The following DLGAP5 variants were observed in gnomAD, a reference collection of about 807,000 sequenced individuals.
DLGAP5 encodes the protein DLG associated protein 5.
DLGAP5 carries 90 observed loss-of-function variants against 99.6 expected under a neutral mutation model. That is an observed-to-expected ratio of 0.90 (90% CI 0.76 to 1.08). The LOEUF (loss-of-function observed/expected upper bound fraction) is 1.08. Ranked by LOEUF, DLGAP5 falls within the 50% of genes least tolerant of loss-of-function variation. DLGAP5 has a pLI of 0.00. For missense variants in DLGAP5, 1,036 were observed against 983.5 expected, an observed-to-expected ratio of 1.05 and a Z score of -0.71; for synonymous variants, 311 against 321.3, an observed-to-expected ratio of 0.97 and a Z score of 0.34.
chr14:55,169,054 T>C (rs566187400), intron 12 of DLGAP5, among the ~76,000 whole-genome samples: 4 of 151,318 alleles, frequency 2.6e-5, no homozygotes, highest in Non-Finnish European at 4.4e-5. Flanking sequence ...CAGGCGCCTG[T>C]AGTCCCAGCT....
intron 12 of DLGAP5, among the ~76,000 whole-genome samples, chr14:55,165,460 T>C (rs1215165506): frequency 1.3e-5 from 2 of 151,762 alleles, no homozygotes; most frequent in African/African-American, 2.4e-5. Context: ...GAAGTGGAGG[T>C]TGCAGTGAGG....
chr14:55,150,804 C>A lies in DLGAP5; in HGVS notation c.2413G>T (p.Asp805Tyr). The A allele has an allele frequency of 6.4e-7, 1 of 1,573,510 alleles. No homozygotes were observed. The highest frequency in any genetic ancestry group is 1.2e-5 in the South Asian group (1 of 83,114). Residue 805 changes from aspartate to tyrosine, a missense_variant, in exon 18 of 19, where the codon GAT (aspartate) becomes TAT (tyrosine). Asp to Tyr is a radical substitution (Grantham distance 160). Transcript: ENST00000247191. Reference sequence around the variant, plus strand: ...TGTCAAGTTGGAAAACTTACTGAATCAAGAAGGTGGCATTCAGTAGTGAGA... The same window carrying A: ...TGTCAAGTTGGAAAACTTACTGAATAAAGAAGGTGGCATTCAGTAGTGAGA... ...KSLTTECHLL[D>Y]SPGLNCSNPF...
Position 55,175,907 on chromosome 14 carries a change from A to T in DLGAP5, c.1161T>A (p.Thr387=). Reference sequence around the variant, plus strand: ...TAAATACTATACCTTCATGCCAAACAGTTAGAGGACCCAAAGGACATGGCA... The same window carrying T: ...TAAATACTATACCTTCATGCCAAACTGTTAGAGGACCCAAAGGACATGGCA... ...NKLPCPLGPL[T]VWHEEHVLNK... is the part of the protein sequence containing the mutation. The change falls in exon 9 of 19, where the codon ACT becomes ACA. Residue 387 remains threonine, a synonymous_variant. Coordinates refer to ENST00000247191, the MANE Select transcript of DLGAP5 (RefSeq NM_014750.5). The T allele has an allele frequency of 6.3e-7, 1 of 1,598,086 alleles. No individual in the cohort carries two copies. Among genetic ancestry groups the T allele is most frequent in the South Asian group, 1.1e-5 (1 of 87,458 alleles).
rs745726382 is a variant in DLGAP5, at chr14:55,148,371, GAGGTGAAAAAGTAATC to G, written c.2505_2520del (p.Ile836TyrfsTer26). Reference sequence around the variant, plus strand: ...TAAATTCAAAATTCTCCTGGTTGTAGAGGTGAAAAAGTAATCAGGTTACCACCAAAAGAAATGTGTC... The same window carrying G: ...TAAATTCAAAATTCTCCTGGTTGTAGAGGTTACCACCAAAAGAAATGTGTC... On this transcript the variant is annotated frameshift_variant, in exon 19 of 19. Coordinates refer to ENST00000247191, the MANE Select transcript of DLGAP5 (RefSeq NM_014750.5). LOFTEE classifies it high-confidence loss of function. 6.8e-6 allele frequency: 11 copies of G among 1,613,822 alleles called. No homozygotes were observed. In the East Asian group the frequency reaches 2.5e-4, roughly 36 times the overall value.
At chr14:55,152,739 T>C (rs1355108613) in intron 15 of DLGAP5, 92 bp from the exon 16 acceptor site, 4 of 1,089,400 alleles carry the variant, frequency 3.7e-6, no homozygotes, top group Non-Finnish European at 5.1e-6. Context: ...TGGCAATTAG[T>C]TTAGGGAATG....
chr14:55,185,192 C>T (rs1402804841), intron 2 of DLGAP5, among the ~76,000 whole-genome samples: 1 of 152,056 alleles, frequency 6.6e-6, no homozygotes, highest in Non-Finnish European at 1.5e-5. Flanking sequence ...TCTCTACTAT[C>T]AACACTTTTA....
rs1566500922 is a variant in DLGAP5, at chr14:55,169,515, TAA to T, written c.1430_1431del (p.Leu477HisfsTer6). On this transcript the variant is annotated frameshift_variant, in exon 12 of 19. Transcript: ENST00000247191. LOFTEE classifies it high-confidence loss of function. ...TCAAACTGTTTAAACCTTTCCTTCATAAGGAGTCTTGTTTGACCAACTGCTGT... is the reference window on the plus strand; with the variant it reads ...TCAAACTGTTTAAACCTTTCCTTCATGGAGTCTTGTTTGACCAACTGCTGT... ...IRTAVGQTRL[L>X]MKERFKQFEG... 3.7e-6 allele frequency: 6 copies of T among 1,605,632 alleles called. No homozygotes were observed. The highest frequency in any genetic ancestry group is 4.2e-6 in the Non-Finnish European group (5 of 1,178,036).
chr14:55,188,638 C>G (rs146150673), intron 2 of DLGAP5, among the ~76,000 whole-genome samples: 1 of 151,952 alleles, frequency 6.6e-6, no homozygotes, highest in African/African-American at 2.4e-5. Context: ...AGGGGCCAGG[C>G]GCGGTGGCTC....
intron 15 of DLGAP5, among the ~76,000 whole-genome samples, 181 bp from the exon 16 acceptor site, chr14:55,152,828 C>G (rs1252537932): frequency 6.6e-6 from 1 of 152,170 alleles, no homozygotes. Flanking sequence ...GCAGGATGGC[C>G]TTACAAACTA....
At chr14:55,182,524 G>A (rs1225984203) in intron 3 of DLGAP5, 92 bp from the exon 4 acceptor site, 2 of 1,076,314 alleles carry the variant, frequency 1.9e-6, no homozygotes, top group Non-Finnish European at 2.6e-6. Context: ...CCATTTTAAA[G>A]TTAAATTTTA....
chr14:55,172,342 A>G (rs988873586), intron 10 of DLGAP5, among the ~76,000 whole-genome samples: 5 of 131,356 alleles, frequency 3.8e-5, no homozygotes, highest in Non-Finnish European at 8.9e-5. Flanking sequence ...AAAAAATACA[A>G]AAAAAAAAAA....
In DLGAP5 at chr14:55,158,435, C is replaced by T. The variant is rs1882287584; in HGVS notation, c.1873+87G>A. ...TCTTCATGTAAAAAACTATTTTTCA[C>T]CTTACACAAGCCCCCATCTATCCCA... On this transcript the variant is annotated intron_variant, in intron 14 of 18. Coordinates refer to ENST00000247191, the MANE Select transcript of DLGAP5 (RefSeq NM_014750.5). 1.1e-5 allele frequency: 12 copies of T among 1,122,008 alleles called. No homozygotes were observed. The East Asian group carries it at 2.8e-4, about 26-fold the overall frequency. The allele number at this position is 1,122,008 out of a possible 1,614,324, so 69.5% of individuals were successfully genotyped here. A position where few individuals can be genotyped will look rare whatever the true frequency, so the allele number is the denominator to read the frequency against.
At chr14:55,169,117 A>C (rs558772759) in intron 12 of DLGAP5, among the ~76,000 whole-genome samples, 1 of 145,404 alleles carries the variant, frequency 6.9e-6, no homozygotes, top group East Asian at 2.1e-4. Context: ...CAGAGACAGC[A>C]GTGAGCCGAG....
chr14:55,164,392 C>T lies in DLGAP5; in HGVS notation c.1549-1317G>A, dbSNP rs370380395. On this transcript the variant is annotated intron_variant, in intron 12 of 18. Transcript: ENST00000247191. ...CAACAAAGGTGCCAATACAATTCAG[C>T]GGGGAAAAGACAGTCTTTTCAACAA... 5.3e-5 allele frequency among the ~76,000 whole-genome samples: 8 copies of T among 152,182 alleles called. No individual in the cohort carries two copies. The South Asian group carries it at 8.3e-4, about 16-fold the overall frequency.
Position 55,177,270 on chromosome 14 carries a change from T to C in DLGAP5, c.841A>G (p.Met281Val). The change falls in exon 8 of 19, where the codon ATG (methionine) becomes GTG (valine). Residue 281 changes from methionine (M) to valine (V), a missense_variant. Physicochemically the swap from Met to Val is conservative, Grantham distance 21. Coordinates refer to ENST00000247191, the MANE Select transcript of DLGAP5 (RefSeq NM_014750.5). Reference protein sequence around the residue: ...LNSQTNATSGMNPDGVLSKME... With the variant: ...LNSQTNATSGVNPDGVLSKME... ...TTTGATAAGACTCCATCTGGATTCA[T>C]TCCACTTGTTGCATTAGTTTGTGAA... The C allele has an allele frequency of 1.9e-6, 3 of 1,612,376 alleles. No individual in the cohort carries two copies. The highest frequency in any genetic ancestry group is 1.7e-6 in the Non-Finnish European group (2 of 1,179,494).
In DLGAP5 at chr14:55,175,955, T is replaced by G. The variant is rs370836978; in HGVS notation, c.1113A>C (p.Thr371=). The stretch of plus-strand genomic sequence containing the variant: ...GCAATTTATTTGAATCTTGCTGTAT[T>G]GTCTTGGTAGAGTAAGTTTTACATT... ...AQKCKTYSTK[T]IQQDSNKLPC... Residue 371 remains threonine, a synonymous_variant, in exon 9 of 19, where the codon ACA becomes ACC. Coordinates refer to ENST00000247191, the MANE Select transcript of DLGAP5 (RefSeq NM_014750.5). 10 of 1,610,238 alleles carry G rather than the reference T, an allele frequency of 6.2e-6. No homozygotes were observed. In the African/African-American group the frequency reaches 9.3e-5, roughly 15 times the overall value.
At chr14:55,172,162 G>A (rs1243754807) in intron 10 of DLGAP5, among the ~76,000 whole-genome samples, 2 of 146,724 alleles carry the variant, frequency 1.4e-5, no homozygotes, top group African/African-American at 5.4e-5. Flanking sequence ...CACCGAACCC[G>A]GCAGGTTTTG....
At chr14:55,172,981 CAAAAAA>C (rs71291818) in intron 10 of DLGAP5, among the ~76,000 whole-genome samples, 3 of 62,090 alleles carry the variant, frequency 4.8e-5, no homozygotes, top group Admixed American at 2.4e-4. Flanking sequence ...GACTCCGTCT[CAAAAAA>C]AAAAAAAAAA....
At chr14:55,155,160 G>A (rs768566108) in intron 14 of DLGAP5, among the ~76,000 whole-genome samples, 3 of 151,882 alleles carry the variant, frequency 2.0e-5, no homozygotes, top group Non-Finnish European at 2.9e-5. Context: ...CAGTAGCTGG[G>A]ACTACAGATG....
Sources: allele counts gnomAD v4.1 joint callset (sites outside exome capture counted in the v4.1 genomes callset), GRCh38; gene constraint gnomAD v4.1.1; transcripts MANE v1.5; gene names NCBI Gene and HGNC (gene_info 2026-07-23, HGNC 2026-07-21).